CIT: variants seen among roughly 807,000 people sequenced by gnomAD.
CIT encodes citron Rho-interacting kinase.
A neutral mutation model predicts 272.7 loss-of-function variants in CIT; 79 were observed. The ratio of observed to expected loss-of-function variants is 0.29; its 90% confidence interval spans 0.24 to 0.35. The LOEUF (loss-of-function observed/expected upper bound fraction) is 0.35. CIT is among the 10% of genes least tolerant of loss of function. The probability of loss-of-function intolerance (pLI) is 1.00; values close to 1 mark genes in which losing one functional copy is unlikely to be tolerated. For missense variants in CIT, 1,909 were observed against 2,618.3 expected, an observed-to-expected ratio of 0.73 and a Z score of 5.91; for synonymous variants, 948 against 995.6, an observed-to-expected ratio of 0.95 and a Z score of 0.90.
intron 46 of CIT, among the ~76,000 whole-genome samples, chr12:119,691,104 G>A (rs143418672): frequency 0.011 from 1,651 of 150,970 alleles, 13 homozygotes; most frequent in Middle Eastern, 0.024. Context: ...CTGGGGAGGC[G>A]GAGGTTGCAG....
intron 10 of CIT, among the ~76,000 whole-genome samples, chr12:119,798,419 C>CA (rs1491324142): frequency 1.3e-5 from 2 of 152,322 alleles, no homozygotes; most frequent in East Asian, 3.9e-4. Flanking sequence ...CCCCACGCCT[C>CA]AGTTTCCTCA....
rs373995610 is a variant in CIT at position 119,711,031 on chromosome 12, G to A, written c.4855-411C>T. On this transcript the variant is annotated intron_variant, in intron 37 of 47. Coordinates refer to ENST00000392521, the MANE Select transcript of CIT (RefSeq NM_001206999.2). ...CGCCGTGTTAGCAGCGAGCCAGCACGCCTCTGCATCTCTTTACCTGAACCC... is the reference window on the plus strand; with the variant it reads ...CGCCGTGTTAGCAGCGAGCCAGCACACCTCTGCATCTCTTTACCTGAACCC... 6.6e-5 allele frequency: 90 copies of A among 1,367,654 alleles called. No individual in the cohort carries two copies. In the East Asian group the frequency reaches 2.0e-3, roughly 30 times the overall value. 84.7% of individuals were successfully genotyped at this position (1,367,654 alleles called of 1,614,324 possible). A position where few individuals can be genotyped will look rare whatever the true frequency, so the allele number is the denominator to read the frequency against.
At chr12:119,820,915 A>C (rs1244468151) in intron 9 of CIT, among the ~76,000 whole-genome samples, 1 of 152,214 alleles carries the variant, frequency 6.6e-6, no homozygotes, top group Non-Finnish European at 1.5e-5. Flanking sequence ...GGCTGCAGTG[A>C]GCCGTGATCA....
chr12:119,848,923 T>C (rs1970017060), intron 5 of CIT, among the ~76,000 whole-genome samples: 1 of 151,998 alleles, frequency 6.6e-6, no homozygotes, highest in African/African-American at 2.4e-5. Flanking sequence ...GGTGGGAGGT[T>C]TGCTGGAGCC....
chr12:119,700,595 CT>C, intron 44 of CIT, 149 bp downstream of exon 44: 1 of 672,692 alleles, frequency 1.5e-6, no homozygotes, highest in East Asian at 2.8e-5. Flanking sequence ...GTTGGTCAGG[CT>C]GGGCTCAAAC....
chr12:119,783,452 T>C (rs1226347484), intron 12 of CIT: 1 of 152,886 alleles, frequency 6.5e-6, no homozygotes, highest in African/African-American at 2.4e-5. Context: ...ACAGAGGGTC[T>C]GGGTTTTCAA....
At chr12:119,788,655 T>C (rs927772797) in intron 10 of CIT, among the ~76,000 whole-genome samples, 9 of 152,232 alleles carry the variant, frequency 5.9e-5, no homozygotes, top group Middle Eastern at 6.8e-3. Flanking sequence ...AGATTGCTTT[T>C]TCACCCCCCA....
intron 4 of CIT, among the ~76,000 whole-genome samples, chr12:119,855,675 A>C (rs1475674241): frequency 1.3e-5 from 2 of 152,172 alleles, no homozygotes; most frequent in Non-Finnish European, 2.9e-5. Context: ...TAAGGAATGA[A>C]TAGGCGGCTT....
chr12:119,857,486 C>T lies in CIT; in HGVS notation c.414+37G>A, dbSNP rs59515976. ...CGTCTTTGCAATGAACACTCCGGTA[C>T]AGAAAGTGGAAAAGCATGATGTTAA... On this transcript the variant is annotated intron_variant, in intron 4 of 47. Coordinates refer to ENST00000392521, the MANE Select transcript of CIT (RefSeq NM_001206999.2). The T allele has an allele frequency of 8.5e-4, 1,371 of 1,608,902 alleles. 15 individuals are homozygous for T. In the African/African-American group the frequency reaches 0.016, roughly 19 times the overall value.
chr12:119,742,998 C>T (rs143480975), intron 23 of CIT, among the ~76,000 whole-genome samples: 10 of 152,156 alleles, frequency 6.6e-5, no homozygotes, highest in East Asian at 1.9e-4. Flanking sequence ...AACTCTACAT[C>T]GGCCTTGAAA....
Position 119,844,727 on chromosome 12 carries a change from A to G in CIT, c.516+5447T>C, listed in dbSNP as rs191476988. Among the ~76,000 whole-genome samples, 651 of 152,316 alleles carry G rather than the reference A, an allele frequency of 4.3e-3. 7 individuals carry two copies. The highest frequency in any genetic ancestry group is 0.015 in the African/African-American group (625 of 41,574). On this transcript the variant is annotated intron_variant, in intron 5 of 47. Coordinates refer to ENST00000392521, the MANE Select transcript of CIT (RefSeq NM_001206999.2). The stretch of plus-strand genomic sequence containing the variant: ...ATATTAATAATTACAAAATCCCATC[A>G]GTAATACCCAATTGAGCTACAAAAC...
At chr12:119,767,319 G>C (rs893558300) in intron 18 of CIT, 137 bp from the exon 19 acceptor site, 14 of 629,282 alleles carry the variant, frequency 2.2e-5, no homozygotes, top group African/African-American at 2.2e-4. Context: ...CTAGCCTAAG[G>C]CTCTTGGGAA....
chr12:119,790,678 G>A (rs1025586850), intron 10 of CIT, among the ~76,000 whole-genome samples: 2 of 152,142 alleles, frequency 1.3e-5, no homozygotes, highest in Admixed American at 6.5e-5. Context: ...GTTCTCAACA[G>A]GGGCAGTTTG....
chr12:119,726,680 C>T (rs1387395513), intron 28 of CIT, among the ~76,000 whole-genome samples: 2 of 152,124 alleles, frequency 1.3e-5, no homozygotes, highest in Non-Finnish European at 2.9e-5. Flanking sequence ...GTCAGGCTCA[C>T]TAAGGGTTAA....
chr12:119,749,434 G>C (rs918791423), intron 23 of CIT, among the ~76,000 whole-genome samples: 1 of 152,158 alleles, frequency 6.6e-6, no homozygotes, highest in South Asian at 2.1e-4. Context: ...TCTTGGAAAA[G>C]ACGTTTTTCA....
chr12:119,721,659 A>T (rs1299414460), intron 28 of CIT, among the ~76,000 whole-genome samples: 1 of 152,210 alleles, frequency 6.6e-6, no homozygotes, highest in Non-Finnish European at 1.5e-5. Flanking sequence ...CTGGCCAACA[A>T]GTCCGAGGAT....
At chr12:119,701,396 GA>G (rs1211575391) in intron 43 of CIT, among the ~76,000 whole-genome samples, 1 of 152,164 alleles carries the variant, frequency 6.6e-6, no homozygotes, top group African/African-American at 2.4e-5. Context: ...GATGGATGAG[GA>G]AAAAACTGCC....
At chr12:119,857,373 A>G in intron 4 of CIT, 150 bp downstream of exon 4, 1 of 700,688 alleles carries the variant, frequency 1.4e-6, no homozygotes, top group Non-Finnish European at 2.3e-6. Context: ...AGCTAAGAAC[A>G]TGAGAGACCT....
intron 40 of CIT, among the ~76,000 whole-genome samples, chr12:119,707,568 C>G (rs1956946787): frequency 6.6e-6 from 1 of 151,912 alleles, no homozygotes; most frequent in South Asian, 2.1e-4. Context: ...GTGGCGCAAT[C>G]TCGGCTCACT....
Sources: allele counts gnomAD v4.1 joint callset (sites outside exome capture counted in the v4.1 genomes callset), GRCh38; gene constraint gnomAD v4.1.1; transcripts MANE v1.5; gene names NCBI Gene and HGNC (gene_info 2026-07-23, HGNC 2026-07-21).